ZNF655: variants seen among roughly 807,000 people sequenced by gnomAD.
ZNF655 encodes the protein zinc finger protein 655, also known as Vav-interacting Kruppel-like protein 1.
In ZNF655, 3 loss-of-function variants were observed where a neutral mutation model predicts 6.6. The ratio of observed to expected loss-of-function variants is 0.46; its 90% CI spans 0.21 to 1.18. ZNF655 has a LOEUF of 1.18. ZNF655 is among the 50% of genes most tolerant of loss of function. ZNF655 has a pLI of 0.24. For synonymous variants in ZNF655, 178 were observed against 195.0 expected (o/e 0.91, Z 0.73); for missense variants, 526 against 572.3 (o/e 0.92, Z 0.83).
chr7:99,559,337 T>C (rs1015302296), intron 1 of ZNF655, among the ~76,000 whole-genome samples: 2 of 149,730 alleles, frequency 1.3e-5, no homozygotes, highest in East Asian at 3.9e-4. Flanking sequence ...TAAATCGGAG[T>C]GGGCTGACGG....
chr7:99,559,633 G>A (rs1215210591), intron 1 of ZNF655, among the ~76,000 whole-genome samples: 1 of 152,040 alleles, frequency 6.6e-6, no homozygotes, highest in African/African-American at 2.4e-5. Flanking sequence ...TAAATATTTT[G>A]TTTTGTTTAT....
intron 2 of ZNF655, chr7:99,563,873 C>T: frequency 6.2e-7 from 1 of 1,611,238 alleles, no homozygotes; most frequent in Non-Finnish European, 8.5e-7. Context: ...GCATACTTCT[C>T]CGCCTTCCCA....
In ZNF655 at chr7:99,562,621, A is replaced by ATCC. The variant is rs71692674; in HGVS notation, c.136+1928_136+1930dup. On this transcript the variant is annotated intron_variant, in intron 2 of 2. Coordinates refer to ENST00000252713, the MANE Select transcript of ZNF655 (RefSeq NM_138494.3). ...AGATTCCAGGACTTAGAACCTCTGA[A>ATCC]TCCTTATCTTTCACATCGTCTTCTC... 2.9e-3 allele frequency: 2,644 copies of ATCC among 897,478 alleles called. 33 individuals carry two copies. In the African/African-American group the frequency reaches 0.036, roughly 12 times the overall value. 55.6% of individuals were successfully genotyped at this position (897,478 alleles called of 1,614,324 possible). A position where few individuals can be genotyped will look rare whatever the true frequency, so the allele number is the denominator to read the frequency against.
chr7:99,560,584 G>A lies in ZNF655; in HGVS notation c.25G>A (p.Ala9Thr). MEEIPAQE[A>T]AGSPRVQFQS... ...GATGGAGGAAATACCAGCCCAGGAA[G>A]CAGCAGGGTCACCAAGGGTCCAGTT... The change falls in exon 2 of 3, where the codon GCA (alanine) becomes ACA (threonine). Residue 9 changes from alanine to threonine, a missense_variant. Ala to Thr is a moderately conservative substitution (Grantham distance 58). Coordinates refer to ENST00000252713, the MANE Select transcript of ZNF655 (RefSeq NM_138494.3). 1.2e-6 allele frequency: 2 copies of A among 1,614,150 alleles called. No homozygotes were observed. The highest frequency in any genetic ancestry group is 2.2e-5 in the East Asian group (1 of 44,884).
At chr7:99,571,294 C>G in intron 2 of ZNF655, 1 of 1,289,358 alleles carries the variant, frequency 7.8e-7, no homozygotes, top group East Asian at 5.5e-5. Flanking sequence ...TTGAGTTTCA[C>G]CTTTCTCCAG....
chr7:99,564,082 A>G, intron 2 of ZNF655: 1 of 1,581,344 alleles, frequency 6.3e-7, no homozygotes, highest in Non-Finnish European at 8.6e-7. Context: ...GACTGATGGA[A>G]TAGAAGCTCC....
chr7:99,571,646 T>C (rs1277792022), intron 2 of ZNF655: 4 of 1,451,542 alleles, frequency 2.8e-6, no homozygotes, highest in Non-Finnish European at 2.9e-6. Flanking sequence ...ATGTAGGACC[T>C]GGGGATACAT....
In ZNF655 at chr7:99,565,173, C is replaced by CT. The variant is rs199565238; in HGVS notation, c.136+4491dup. Among the ~76,000 whole-genome samples the CT allele has an allele frequency of 3.3e-3, 482 of 145,240 alleles. 2 individuals carry two copies. Among genetic ancestry groups the CT allele is most frequent in the Admixed American group, 5.9e-3 (85 of 14,486 alleles). On this transcript the variant is annotated intron_variant, in intron 2 of 2. Transcript: ENST00000252713. ...AATTTAACTTTTTAGGGTTGTAAGACTTTTTTTTTTTTTGAGACGGAGTCT... is the reference window on the plus strand; with the variant it reads ...AATTTAACTTTTTAGGGTTGTAAGACTTTTTTTTTTTTTTGAGACGGAGTCT...
intron 1 of ZNF655, among the ~76,000 whole-genome samples, chr7:99,559,506 T>A (rs1802910018): frequency 6.6e-6 from 1 of 152,106 alleles, no homozygotes; most frequent in Non-Finnish European, 1.5e-5. Flanking sequence ...GAGTCCAGCC[T>A]GGGCAACATA....
Position 99,573,445 on chromosome 7 carries a change from G to T in ZNF655, c.1337G>T (p.Ser446Ile). Residue 446 changes from serine to isoleucine, a missense_variant, in exon 3 of 3, where the codon AGT (serine) becomes ATT (isoleucine). Transcript: ENST00000252713. ...YECNEYEGSF[S>I]HSSDLILQQE... ...TGTAATGAGTATGAGGGCAGTTTCA[G>T]TCATAGCTCAGATCTTATCCTGCAA... is the stretch of plus-strand genomic sequence containing the variant. 2 of 1,614,060 alleles carry T rather than the reference G, an allele frequency of 1.2e-6. No homozygotes were observed. Among genetic ancestry groups the T allele is most frequent in the Non-Finnish European group, 1.7e-6 (2 of 1,180,010 alleles).
intron 2 of ZNF655, chr7:99,571,182 A>G: frequency 8.2e-7 from 1 of 1,213,306 alleles, no homozygotes; most frequent in Non-Finnish European, 1.1e-6. Context: ...TTGTTTTCTT[A>G]TGTGTACTGA....
rs779222496 is a variant in ZNF655, at chr7:99,560,668, A to G, written c.109A>G (p.Thr37Ala). Residue 37 changes from threonine (T) to alanine (A), a missense_variant, in exon 2 of 3, where the codon ACC becomes GCC. By Grantham distance (58) the Thr-to-Ala change is moderately conservative. Transcript: ENST00000252713. ...LSPEPQFVQDTDMEQGLTGDG... is the reference protein window; with the variant it reads ...LSPEPQFVQDADMEQGLTGDG... ...CCCAGAGCCTCAGTTTGTGCAGGAC[A>G]CCGACATGGAACAGGGACTCACTGG... The G allele has an allele frequency of 5.3e-5, 85 of 1,613,958 alleles. No individual in the cohort carries two copies. Among genetic ancestry groups the G allele is most frequent in the Non-Finnish European group, 6.7e-5 (79 of 1,179,982 alleles).
chr7:99,565,943 T>G (rs1270621030), intron 2 of ZNF655, among the ~76,000 whole-genome samples: 1 of 150,498 alleles, frequency 6.6e-6, no homozygotes, highest in African/African-American at 2.5e-5. Context: ...GCCAATATGT[T>G]ATTGGGTACT....
At chr7:99,565,005 C>G (rs1450622659) in intron 2 of ZNF655, among the ~76,000 whole-genome samples, 2 of 152,072 alleles carry the variant, frequency 1.3e-5, no homozygotes, top group Non-Finnish European at 2.9e-5. Flanking sequence ...GAAAATTAAC[C>G]CATTTATGCC....
intron 2 of ZNF655, chr7:99,571,518 C>T: frequency 9.2e-7 from 1 of 1,084,418 alleles, no homozygotes; most frequent in South Asian, 1.7e-5. Context: ...CTCTAGAGCA[C>T]AAATCTGAGC....
chr7:99,562,556 T>C, intron 2 of ZNF655: 1 of 1,557,284 alleles, frequency 6.4e-7, no homozygotes, highest in Non-Finnish European at 8.7e-7. Context: ...TGTTTCTTCC[T>C]AAGTATAAGG....
In ZNF655 at chr7:99,574,627, T is replaced by C. The variant is rs920045035; in HGVS notation, c.*1043T>C. The C allele has an allele frequency of 6.6e-6, 1 of 152,208 alleles. No individual in the cohort carries two copies. The allele number at this position is 152,208 out of a possible 1,614,324, so 9.4% of individuals were successfully genotyped here. A position where few individuals can be genotyped will look rare whatever the true frequency, so the allele number is the denominator to read the frequency against. On this transcript the variant is annotated 3_prime_UTR_variant, in exon 3 of 3. Transcript: ENST00000252713. ...TATATTTTTTGAAATTGGTTCTTAGTGTTCACAACTTCCATAAGATACTGC... is the reference window on the plus strand; with the variant it reads ...TATATTTTTTGAAATTGGTTCTTAGCGTTCACAACTTCCATAAGATACTGC...
rs1804260444 is a variant in ZNF655, at chr7:99,573,999, A to G, written c.*415A>G. ...ATTCACGCCATGCAAAAAGATTATA[A>G]ATGTAATAAGCATGTATGTGTGTGA... is the stretch of plus-strand genomic sequence containing the variant. On this transcript the variant is annotated 3_prime_UTR_variant, in exon 3 of 3. Coordinates refer to ENST00000252713, the MANE Select transcript of ZNF655 (RefSeq NM_138494.3). 3 of 186,856 alleles carry G rather than the reference A, an allele frequency of 1.6e-5. No individual in the cohort carries two copies. In the Admixed American group the frequency reaches 1.6e-4, roughly 10 times the overall value. 11.6% of individuals were successfully genotyped at this position (186,856 alleles called of 1,614,324 possible). A position where few individuals can be genotyped will look rare whatever the true frequency, so the allele number is the denominator to read the frequency against.
chr7:99,564,474 C>A, intron 2 of ZNF655: 1 of 997,592 alleles, frequency 1.0e-6, no homozygotes, highest in African/African-American at 1.7e-5. Context: ...CCTTCCTACC[C>A]TTTATTCTTT....
Sources: gnomAD v4.1 joint callset for allele counts (sites outside exome capture counted in the v4.1 genomes callset) on GRCh38, gnomAD v4.1.1 for gene constraint, MANE v1.5 for transcripts, NCBI Gene and HGNC (gene_info 2026-07-23, HGNC 2026-07-21) for gene names.